The following CELF2 variants were observed in gnomAD, a reference collection of about 807,000 sequenced individuals.
CELF2 encodes the protein CUGBP Elav-like family member 2.
CELF2 carries 8 observed loss-of-function variants against 62.6 expected under a neutral mutation model. The ratio of observed to expected loss-of-function variants is 0.13; its 90% confidence interval spans 0.07 to 0.23. The LOEUF (loss-of-function observed/expected upper bound fraction) is 0.23, where lower values mean the gene tolerates loss of function less well. CELF2 is among the 10% of genes least tolerant of loss of function. The pLI, the probability that CELF2 is intolerant of heterozygous loss-of-function variation, is 1.00. For synonymous variants in CELF2, 258 were observed against 250.0 expected (o/e 1.03, Z -0.30); for missense variants, 333 against 671.0 (o/e 0.50, Z 5.56).
Position 11,290,999 on chromosome 10 carries a change from A to T in CELF2, c.976+2447A>T, listed in dbSNP as rs1210161813. Among the ~76,000 whole-genome samples the T allele has an allele frequency of 6.6e-6, 1 of 152,230 alleles. No homozygotes were observed. Among genetic ancestry groups the T allele is most frequent in the Non-Finnish European group, 1.5e-5 (1 of 68,026 alleles). On this transcript the variant is annotated intron_variant, in intron 9 of 12. Coordinates refer to ENST00000633077, the MANE Select transcript of CELF2 (RefSeq NM_001326342.2). The surrounding 1 kb of genome is among the most constrained non-coding windows in gnomAD (Gnocchi z 4.3). ...GAAAATGTGGTTAGTAGAATTCATG[A>T]ATCTCCACTTCATCAAGGCAGTTTC...
the CELF2 span, among the ~76,000 whole-genome samples, chr10:10,558,623 C>A: frequency 6.6e-6 from 1 of 151,914 alleles, no homozygotes; most frequent in African/African-American, 2.4e-5. Context: ...CCAGTTCCTC[C>A]TTGTACCTCT....
At chr10:10,695,595 A>G in the CELF2 span, among the ~76,000 whole-genome samples, 3 of 151,696 alleles carry the variant, frequency 2.0e-5, no homozygotes, top group African/African-American at 7.3e-5. Context: ...AATATCCTGC[A>G]GAGTGTTTTC....
At chr10:11,009,867 T>C (rs1052891175) in intron 1 of CELF2, among the ~76,000 whole-genome samples, 11 of 152,234 alleles carry the variant, frequency 7.2e-5, no homozygotes, top group African/African-American at 9.6e-5. Context: ...ACCTCCGATA[T>C]GCGTGGCTGT....
At chr10:11,208,449 T>C (rs1035435891) in intron 2 of CELF2, among the ~76,000 whole-genome samples, 3 of 152,144 alleles carry the variant, frequency 2.0e-5, no homozygotes. Flanking sequence ...TGGTCAGCCA[T>C]GTAGTAATGT....
At chr10:10,975,143 A>G (rs2051179884) in intron 2 of CELF2, among the ~76,000 whole-genome samples, 1 of 152,170 alleles carries the variant, frequency 6.6e-6, no homozygotes, top group Admixed American at 6.5e-5. Context: ...CCCAAGGCAC[A>G]GTCTTGCTCT....
intron 2 of CELF2, among the ~76,000 whole-genome samples, chr10:10,977,907 T>C (rs754769224): frequency 6.6e-6 from 1 of 152,194 alleles, no homozygotes; most frequent in Non-Finnish European, 1.5e-5. Context: ...GGAATAAACA[T>C]AATATGCACA....
chr10:11,320,579 G>T (rs2095378861), intron 10 of CELF2, among the ~76,000 whole-genome samples: 1 of 150,974 alleles, frequency 6.6e-6, no homozygotes, highest in Non-Finnish European at 1.5e-5. Context: ...TAAGGTCCTA[G>T]TCCCTGACAT....
At chr10:10,945,649 G>A (rs572693990) in intron 2 of CELF2, among the ~76,000 whole-genome samples, 5 of 152,294 alleles carry the variant, frequency 3.3e-5, no homozygotes, top group Admixed American at 1.3e-4. Flanking sequence ...CAGTGGAGGC[G>A]GCCAGAGCTC....
the CELF2 span, among the ~76,000 whole-genome samples, chr10:10,664,295 G>A: frequency 2.6e-5 from 4 of 152,190 alleles, no homozygotes; most frequent in East Asian, 1.9e-4. Flanking sequence ...TCATTGTATC[G>A]TTCCTTTACT....
At chr10:11,130,000 G>A (rs1346612464) in intron 1 of CELF2, among the ~76,000 whole-genome samples, 2 of 152,158 alleles carry the variant, frequency 1.3e-5, no homozygotes, top group African/African-American at 4.8e-5. Flanking sequence ...GCTTTCTCTT[G>A]TGGGCATTCA....
intron 1 of CELF2, among the ~76,000 whole-genome samples, chr10:11,053,892 G>A (rs1341312223): frequency 6.6e-6 from 1 of 152,114 alleles, no homozygotes; most frequent in Non-Finnish European, 1.5e-5. Context: ...GGGATTACAG[G>A]TGTGAGCCAC....
At chr10:10,654,864 G>A in the CELF2 span, among the ~76,000 whole-genome samples, 1,189 of 150,702 alleles carry the variant, frequency 7.9e-3, 67 homozygotes, top group Admixed American at 0.07. Flanking sequence ...GGAAGTTCTG[G>A]CCAGGGAAAT....
intron 1 of CELF2, among the ~76,000 whole-genome samples, chr10:11,148,899 A>G (rs915036716): frequency 6.6e-6 from 1 of 150,534 alleles, no homozygotes; most frequent in Non-Finnish European, 1.5e-5. Context: ...GCCTGTCAGT[A>G]AAGGCCAGTT....
At chr10:10,506,856 G>A in the CELF2 span, among the ~76,000 whole-genome samples, 2 of 151,412 alleles carry the variant, frequency 1.3e-5, no homozygotes, top group Non-Finnish European at 2.9e-5. Context: ...GTAAAGACGG[G>A]GATTCCCCAT....
At chr10:10,468,278 G>T in the CELF2 span, among the ~76,000 whole-genome samples, 5 of 151,882 alleles carry the variant, frequency 3.3e-5, no homozygotes, top group African/African-American at 1.2e-4. Flanking sequence ...AAGCAAAATG[G>T]CTTGAGCATC....
intron 4 of CELF2, among the ~76,000 whole-genome samples, chr10:11,250,795 A>G (rs1165901025): frequency 6.6e-6 from 1 of 152,216 alleles, no homozygotes; most frequent in Non-Finnish European, 1.5e-5. Flanking sequence ...AGACTCAAAT[A>G]AGGTGTTTGT....
intron 3 of CELF2, among the ~76,000 whole-genome samples, chr10:11,218,829 T>C (rs1160877094): frequency 6.6e-6 from 1 of 152,250 alleles, no homozygotes; most frequent in Non-Finnish European, 1.5e-5. Context: ...ATCTGCATTC[T>C]TCATGTAAAT....
rs755200487 is a variant in CELF2 at position 11,165,729 on chromosome 10, C to T, written c.271+47C>T. On this transcript the variant is annotated intron_variant, in intron 2 of 12. Transcript: ENST00000633077. The surrounding 1 kb of genome is among the most constrained non-coding windows in gnomAD (Gnocchi z 7.4). The stretch of plus-strand genomic sequence containing the variant: ...TCGCCAGGCGTCCAGGTGGGCGTCG[C>T]GGGGCACTGGGGCTGTCCGAGCCCC... 9 of 1,543,802 alleles carry T rather than the reference C, an allele frequency of 5.8e-6. No homozygotes were observed. The African/African-American group carries it at 1.1e-4, about 19-fold the overall frequency.
At position 10,999,524 on chromosome 10, in the gene CELF2, C is replaced by T. The variant is rs558502872; in HGVS notation, c.89+79525C>T. On this transcript the variant is annotated intron_variant, in intron 2 of 13. Transcript: ENST00000636488. Reference sequence around the variant, plus strand: ...GCTGAGGTGGGAGGAACACTTGAGCCCAGGAGTTCAAGGCTGCAATGAGCT... The same window carrying T: ...GCTGAGGTGGGAGGAACACTTGAGCTCAGGAGTTCAAGGCTGCAATGAGCT... 1.4e-4 allele frequency among the ~76,000 whole-genome samples: 22 copies of T among 152,260 alleles called. No individual in the cohort carries two copies. In the South Asian group the frequency reaches 4.4e-3, roughly 30 times the overall value.
Sources: allele counts gnomAD v4.1 joint callset (sites outside exome capture counted in the v4.1 genomes callset), GRCh38; gene constraint gnomAD v4.1.1; non-coding constraint Gnocchi (gnomAD v3.1); transcripts MANE v1.5; gene names NCBI Gene and HGNC (gene_info 2026-07-23, HGNC 2026-07-21).